Variants in NICN1 observed in about 807,000 individuals in gnomAD.
The protein encoded by NICN1 is nicolin 1, tubulin polyglutamylase complex subunit, also known as nicolin-1.
Under a neutral mutation model 26.3 loss-of-function variants are expected in NICN1, and 18 were observed. The observed-to-expected ratio is 0.68, with a 90% confidence interval of 0.47 to 1.01. The LOEUF (loss-of-function observed/expected upper bound fraction) is 1.01, where lower values mean the gene tolerates loss of function less well. NICN1 is among the 50% of genes least tolerant of loss of function. The pLI, the probability that NICN1 is intolerant of heterozygous loss-of-function variation, is 0.00. For synonymous variants in NICN1, 109 were observed against 111.0 expected (o/e 0.98, Z 0.11); for missense variants, 239 against 278.3 (o/e 0.86, Z 1.00).
chr3:49,429,050 C>G (rs930724249), intron 1 of NICN1, 58 bp downstream of exon 1: 2 of 1,504,670 alleles, frequency 1.3e-6, no homozygotes, highest in Non-Finnish European at 1.8e-6. Flanking sequence ...GGGAAACGAC[C>G]GAGATTCCAG....
At position 49,423,349 on chromosome 3, in the gene NICN1, A is replaced by C. The variant is rs1190520774; in HGVS notation, c.*1484T>G. Reference sequence around the variant, plus strand: ...AGGGAAGAGCAGCCTGCATCACTTAATGGTTGGACTGAGTTAATGCAGGAC... The same window carrying C: ...AGGGAAGAGCAGCCTGCATCACTTACTGGTTGGACTGAGTTAATGCAGGAC... On this transcript the variant is annotated 3_prime_UTR_variant, in exon 6 of 6. Transcript: ENST00000273598. 6.6e-6 allele frequency: 1 copy of C among 152,354 alleles called. No individual in the cohort carries two copies. The highest frequency in any genetic ancestry group is 1.5e-5 in the Non-Finnish European group (1 of 68,162). 9.4% of individuals were successfully genotyped at this position (152,354 alleles called of 1,614,324 possible). A position where few individuals can be genotyped will look rare whatever the true frequency, so the allele number is the denominator to read the frequency against.
chr3:49,422,559 G>T lies in NICN1; in HGVS notation c.*2274C>A. The T allele has an allele frequency of 8.1e-7, 1 of 1,239,584 alleles. No homozygotes were observed. Among genetic ancestry groups the T allele is most frequent in the Non-Finnish European group, 1.2e-6 (1 of 863,502 alleles). 76.8% of individuals were successfully genotyped at this position (1,239,584 alleles called of 1,614,324 possible). A position where few individuals can be genotyped will look rare whatever the true frequency, so the allele number is the denominator to read the frequency against. On this transcript the variant is annotated 3_prime_UTR_variant, in exon 6 of 6. Coordinates refer to ENST00000273598, the MANE Select transcript of NICN1 (RefSeq NM_032316.3). ...GGACAGGTCTCTCTCCGGAGCAAAG[G>T]ATCTGAAGGGGGCGTGGGCAGCCCC...
rs139418131 is a variant in NICN1 at position 49,424,956 on chromosome 3, C to T, written c.593G>A (p.Arg198His). The T allele has an allele frequency of 2.0e-5, 32 of 1,613,876 alleles. No individual in the cohort carries two copies. The highest frequency in any genetic ancestry group is 2.3e-5 in the Non-Finnish European group (27 of 1,179,934). Residue 198 changes from arginine to histidine, a missense_variant, in exon 5 of 6, where the codon CGC becomes CAC. Transcript: ENST00000273598. Reference protein sequence around the residue: ...RASHTSARIGRFDVDGCYDLN... With the variant: ...RASHTSARIGHFDVDGCYDLN... ...AAGGAAGCGATTACTTACATCAAAG[C>T]GGCCGATCCTTGCGGAGGTGTGACT... is the stretch of plus-strand genomic sequence containing the variant.
In NICN1 at chr3:49,429,102, G is replaced by A. The variant is rs2107944116; in HGVS notation, c.132+6C>T. On this transcript the variant is annotated splice_donor_region_variant and intron_variant, in intron 1 of 5. Coordinates refer to ENST00000273598, the MANE Select transcript of NICN1 (RefSeq NM_032316.3). Reference sequence around the variant, plus strand: ...AGCCTCGGTCGCGCCCACCAGGCTTGCTCACCTCGAAGGGAGCGACGCTGG... The same window carrying A: ...AGCCTCGGTCGCGCCCACCAGGCTTACTCACCTCGAAGGGAGCGACGCTGG... 5.0e-6 allele frequency: 8 copies of A among 1,600,970 alleles called. No individual in the cohort carries two copies. The highest frequency in any genetic ancestry group is 6.8e-6 in the Non-Finnish European group (8 of 1,173,734).
Position 49,422,647 on chromosome 3 carries a change from C to T in NICN1, c.*2186G>A. The T allele has an allele frequency of 1.4e-6, 1 of 712,176 alleles. No homozygotes were observed. The highest frequency in any genetic ancestry group is 2.5e-6 in the Non-Finnish European group (1 of 396,970). The allele number at this position is 712,176 out of a possible 1,614,324, so 44.1% of individuals were successfully genotyped here. A position where few individuals can be genotyped will look rare whatever the true frequency, so the allele number is the denominator to read the frequency against. On this transcript the variant is annotated 3_prime_UTR_variant, in exon 6 of 6. Coordinates refer to ENST00000273598, the MANE Select transcript of NICN1 (RefSeq NM_032316.3). ...CCCGCAACCACAGGGAAGAAGCCTC[C>T]AGCTCTTTCGGCTGACTCTTCAGGG...
chr3:49,425,183 A>G, intron 4 of NICN1, 130 bp from the exon 5 acceptor site: 4 of 848,892 alleles, frequency 4.7e-6, no homozygotes, highest in Non-Finnish European at 7.7e-6. Context: ...CTTATGAAAC[A>G]TGAGGTTAGG....
rs1219753158 is a variant in NICN1, at chr3:49,423,228, A to G, written c.*1605T>C. 1 of 153,828 alleles carries G rather than the reference A, an allele frequency of 6.5e-6. No homozygotes were observed. The highest frequency in any genetic ancestry group is 2.4e-5 in the African/African-American group (1 of 41,418). 9.5% of individuals were successfully genotyped at this position (153,828 alleles called of 1,614,324 possible). ...AACTGTTGAGCCACACACATGTCCA[A>G]CTTTCCAGGTCCAAGACATACTGCA... On this transcript the variant is annotated 3_prime_UTR_variant, in exon 6 of 6. Coordinates refer to ENST00000273598, the MANE Select transcript of NICN1 (RefSeq NM_032316.3).
chr3:49,428,908 TAGCA>T (rs1019910252), intron 1 of NICN1, among the ~76,000 whole-genome samples, 196 bp downstream of exon 1: 7 of 152,114 alleles, frequency 4.6e-5, no homozygotes, highest in Non-Finnish European at 2.9e-5. Context: ...GCAAGAGACA[TAGCA>T]GAGAACAAGA....
Position 49,429,177 on chromosome 3 carries a change from C to T in NICN1, c.63G>A (p.Val21=). The T allele has an allele frequency of 1.2e-6, 2 of 1,611,602 alleles. No individual in the cohort carries two copies. The highest frequency in any genetic ancestry group is 1.7e-6 in the Non-Finnish European group (2 of 1,179,060). Residue 21 remains valine, a synonymous_variant, in exon 1 of 6, where the codon GTG becomes GTA. Coordinates refer to ENST00000273598, the MANE Select transcript of NICN1 (RefSeq NM_032316.3). ...KGSVALQVGD[V]RTSQGRPGVL... ...CGCCAGGCCGGCCTTGGGAGGTCCG[C>T]ACGTCGCCCACCTGGAGGGCTACGG...
In NICN1 at chr3:49,422,678, C is replaced by T. The variant is rs762806582; in HGVS notation, c.*2155G>A. On this transcript the variant is annotated 3_prime_UTR_variant, in exon 6 of 6. Transcript: ENST00000273598. Reference sequence around the variant, plus strand: ...TTTCGGCTGACTCTTCAGGGCAGCTCGGGCAATCCAGAGCTGATTGGGCTG... The same window carrying T: ...TTTCGGCTGACTCTTCAGGGCAGCTTGGGCAATCCAGAGCTGATTGGGCTG... The T allele has an allele frequency of 5.9e-6, 4 of 683,380 alleles. No individual in the cohort carries two copies. Among genetic ancestry groups the T allele is most frequent in the South Asian group, 4.6e-5 (3 of 65,812 alleles). 42.3% of individuals were successfully genotyped at this position (683,380 alleles called of 1,614,324 possible). A position where few individuals can be genotyped will look rare whatever the true frequency, so the allele number is the denominator to read the frequency against.
At chr3:49,425,812 A>G in intron 3 of NICN1, 71 bp downstream of exon 3, 1 of 783,078 alleles carries the variant, frequency 1.3e-6, no homozygotes, top group Non-Finnish European at 2.1e-6. Context: ...TACCCACCCC[A>G]CCACCTAGCT....
At position 49,429,096 on chromosome 3, in the gene NICN1, A is replaced by T; in HGVS notation, c.132+12T>A. The T allele has an allele frequency of 6.3e-7, 1 of 1,590,220 alleles. No homozygotes were observed. The highest frequency in any genetic ancestry group is 8.6e-7 in the Non-Finnish European group (1 of 1,167,978). ...CCCGGGAGCCTCGGTCGCGCCCACCAGGCTTGCTCACCTCGAAGGGAGCGA... is the reference window on the plus strand; with the variant it reads ...CCCGGGAGCCTCGGTCGCGCCCACCTGGCTTGCTCACCTCGAAGGGAGCGA... On this transcript the variant is annotated intron_variant, in intron 1 of 5. Transcript: ENST00000273598.
chr3:49,422,564 G>GA lies in NICN1; in HGVS notation c.*2268dup. 2.5e-6 allele frequency: 3 copies of GA among 1,210,728 alleles called. No individual in the cohort carries two copies. The South Asian group carries it at 3.8e-5, about 15-fold the overall frequency. 75.0% of individuals were successfully genotyped at this position (1,210,728 alleles called of 1,614,324 possible). The stretch of plus-strand genomic sequence containing the variant: ...GGTCTCTCTCCGGAGCAAAGGATCT[G>GA]AAGGGGGCGTGGGCAGCCCCAAGGG... On this transcript the variant is annotated 3_prime_UTR_variant, in exon 6 of 6. Transcript: ENST00000273598.
At chr3:49,425,104 C>T in intron 4 of NICN1, 51 bp from the exon 5 acceptor site, 1 of 1,499,934 alleles carries the variant, frequency 6.7e-7, no homozygotes, top group Non-Finnish European at 9.3e-7. Flanking sequence ...CAGCAGTGCC[C>T]TTCAGGCTCC....
In NICN1 at chr3:49,422,533, C is replaced by T. The variant is rs750260933; in HGVS notation, c.*2300G>A. ...GGGAGATGTAGTCCAGGCCTCTGCT[C>T]GGACAGGTCTCTCTCCGGAGCAAAG... On this transcript the variant is annotated 3_prime_UTR_variant, in exon 6 of 6. Coordinates refer to ENST00000273598, the MANE Select transcript of NICN1 (RefSeq NM_032316.3). 5.0e-6 allele frequency: 7 copies of T among 1,407,336 alleles called. No homozygotes were observed. The highest frequency in any genetic ancestry group is 1.8e-4 in the Middle Eastern group (1 of 5,526). The allele number at this position is 1,407,336 out of a possible 1,614,324, so 87.2% of individuals were successfully genotyped here. A position where few individuals can be genotyped will look rare whatever the true frequency, so the allele number is the denominator to read the frequency against.
At chr3:49,428,057 A>G (rs759729697) in intron 1 of NICN1, among the ~76,000 whole-genome samples, 3 of 152,064 alleles carry the variant, frequency 2.0e-5, no homozygotes, top group Non-Finnish European at 4.4e-5. Context: ...CGTTTCTACT[A>G]AAAATACAAA....
rs769249117 is a variant in NICN1, at chr3:49,425,418, G to C, written c.444C>G (p.Pro148=). Residue 148 remains proline, a synonymous_variant, in exon 4 of 6, where the codon CCC becomes CCG. Transcript: ENST00000273598. The part of the protein sequence containing the change: ...QGPKSPSVTF[P]KWLSHPVPCE... ...AGGGCACTGGGTGGGAGAGCCACTTGGGAAAGGTCACGGAGGGGCTCTGCA... is the reference window on the plus strand; with the variant it reads ...AGGGCACTGGGTGGGAGAGCCACTTCGGAAAGGTCACGGAGGGGCTCTGCA... 13 of 1,613,008 alleles carry C rather than the reference G, an allele frequency of 8.1e-6. 1 individual carries two copies. In the Admixed American group the frequency reaches 1.7e-4, roughly 21 times the overall value.
intron 3 of NICN1, 61 bp from the exon 4 acceptor site, chr3:49,425,499 C>G: frequency 1.4e-6 from 2 of 1,414,564 alleles, no homozygotes; most frequent in Admixed American, 2.1e-5. Flanking sequence ...GGACCAGATT[C>G]CAAGGTCCTA....
intron 3 of NICN1, 22 bp downstream of exon 3, chr3:49,425,861 A>G: frequency 7.4e-7 from 1 of 1,346,464 alleles, no homozygotes; most frequent in South Asian, 1.2e-5. Flanking sequence ...AGGGCCAGCC[A>G]GCAGCTGAGC....
Sources: allele counts gnomAD v4.1 joint callset (sites outside exome capture counted in the v4.1 genomes callset), GRCh38; gene constraint gnomAD v4.1.1; transcripts MANE v1.5; gene names NCBI Gene and HGNC (gene_info 2026-07-23, HGNC 2026-07-21).